SRRM2: variants seen among roughly 807,000 people sequenced by gnomAD.
SRRM2 encodes the protein serine/arginine repetitive matrix protein 2.
SRRM2 carries 30 observed loss-of-function variants against 213.8 expected under a neutral mutation model. The ratio of observed to expected loss-of-function variants is 0.14; its 90% CI spans 0.10 to 0.19. SRRM2 has a LOEUF of 0.19. Ranked by LOEUF, SRRM2 falls within the 10% of genes least tolerant of loss-of-function variation. The probability of loss-of-function intolerance (pLI) is 1.00; values close to 1 mark genes in which losing one functional copy is unlikely to be tolerated. For missense variants in SRRM2, 4,904 were observed against 3,647.0 expected (o/e 1.34, Z -8.88); for synonymous variants, 2,025 against 1,377.7 (o/e 1.47, Z -10.40).
rs538260989 is a variant in SRRM2, at chr16:2,759,872, T to G, written c.833+211T>G. 178 of 577,864 alleles carry G rather than the reference T, an allele frequency of 3.1e-4. No individual in the cohort carries two copies. The African/African-American group carries it at 3.2e-3, about 10-fold the overall frequency. The allele number at this position is 577,864 out of a possible 1,614,324, so 35.8% of individuals were successfully genotyped here. A position where few individuals can be genotyped will look rare whatever the true frequency, so the allele number is the denominator to read the frequency against. On this transcript the variant is annotated intron_variant, in intron 9 of 14. Transcript: ENST00000301740. ...TTTTTTTGTTTTTGTTTATTTGTTATTTTTGTTTCGTTCTGATGTATATGG... is the reference window on the plus strand; with the variant it reads ...TTTTTTTGTTTTTGTTTATTTGTTAGTTTTGTTTCGTTCTGATGTATATGG...
rs189850193 is a variant in SRRM2 at position 2,754,818 on chromosome 16, G to C, written c.-31-1516G>C. On this transcript the variant is annotated intron_variant, in intron 1 of 14. Transcript: ENST00000301740. ...GGGTGTAGAGAAATTGATTTTTTGA[G>C]CCATACAGTTTTTCATTTTTTCCTG... is the stretch of plus-strand genomic sequence containing the variant. Among the ~76,000 whole-genome samples the C allele has an allele frequency of 3.6e-3, 552 of 152,206 alleles. 2 individuals are homozygous for C. Among genetic ancestry groups the C allele is most frequent in the Non-Finnish European group, 6.6e-3 (449 of 67,996 alleles).
rs779286264 is a variant in SRRM2 at position 2,764,415 on chromosome 16, T to C, written c.3887T>C (p.Val1296Ala). The C allele has an allele frequency of 2.5e-6, 4 of 1,613,302 alleles. No individual in the cohort carries two copies. The highest frequency in any genetic ancestry group is 1.7e-5 in the Admixed American group (1 of 59,814). The change falls in exon 11 of 15, where the codon GTA (valine) becomes GCA (alanine). Residue 1296 changes from valine (V) to alanine (A), a missense_variant. By Grantham distance (64) the Val-to-Ala change is moderately conservative (BLOSUM62 0). Transcript: ENST00000301740. The part of the protein sequence containing the change: ...QSQSQASLEA[V>A]EVPSMASSWG... ...CAGTCACAGGCTTCTTTGGAAGCAG[T>C]AGAAGTCCCTTCAATGGCCTCATCT...
In SRRM2 at chr16:2,768,104, C is replaced by CCTG. The variant is rs1162578947; in HGVS notation, c.7577_7578insTGC (p.Ala2527dup). ...GCCTTCTGCATTAGCCGCCCTGCAG[C>CCTG]CAGCAAAGGAGCGGCGGAGTTCCTC... is the stretch of plus-strand genomic sequence containing the variant. On this transcript the variant is annotated inframe_insertion, in exon 11 of 15. Transcript: ENST00000301740. 1 of 1,614,056 alleles carries CCTG rather than the reference C, an allele frequency of 6.2e-7. No homozygotes were observed. Among genetic ancestry groups the CCTG allele is most frequent in the Non-Finnish European group, 8.5e-7 (1 of 1,180,024 alleles).
chr16:2,759,082 G>T (rs377552572), intron 6 of SRRM2, 35 bp downstream of exon 6: 1 of 1,614,070 alleles, frequency 6.2e-7, no homozygotes, highest in African/African-American at 1.3e-5. Context: ...ACTGGAGAAG[G>T]TTTGCTGAAT....
At position 2,760,432 on chromosome 16, in the gene SRRM2, G is replaced by A. The variant is rs780019414; in HGVS notation, c.965G>A (p.Ser322Asn). ...GGTACTACCAGCACACAACGGCCTAGTAGCCCGGAGACTGCTACGAAACAG... is the reference window on the plus strand; with the variant it reads ...GGTACTACCAGCACACAACGGCCTAATAGCCCGGAGACTGCTACGAAACAG... ...EPGTTSTQRPSSPETATKQPS... is the reference protein window; with the variant it reads ...EPGTTSTQRPNSPETATKQPS... Residue 322 changes from serine (S) to asparagine (N), a missense_variant, in exon 10 of 15, where the codon AGT becomes AAT. Transcript: ENST00000301740. 2 of 1,614,174 alleles carry A rather than the reference G, an allele frequency of 1.2e-6. No homozygotes were observed. The highest frequency in any genetic ancestry group is 1.3e-5 in the African/African-American group (1 of 75,020).
chr16:2,762,861 G>A lies in SRRM2; in HGVS notation c.2333G>A (p.Ser778Asn), dbSNP rs1279579577. The A allele has an allele frequency of 1.2e-6, 2 of 1,614,176 alleles. No homozygotes were observed. Among genetic ancestry groups the A allele is most frequent in the Non-Finnish European group, 1.7e-6 (2 of 1,180,022 alleles). Reference protein sequence around the residue: ...KAKSRLSLRRSLSGSSPCPKQ... With the variant: ...KAKSRLSLRRNLSGSSPCPKQ... ...AAATCTCGCTTGTCTTTGAGGCGCA[G>A]CCTTTCAGGGTCTTCCCCATGCCCT... The change falls in exon 11 of 15, where the codon AGC becomes AAC. Residue 778 changes from serine to asparagine, a missense_variant. Transcript: ENST00000301740.
In SRRM2 at chr16:2,768,294, G is replaced by C. The variant is rs763647748; in HGVS notation, c.7733+33G>C. The C allele has an allele frequency of 5.9e-6, 9 of 1,520,996 alleles. No individual in the cohort carries two copies. In the African/African-American group the frequency reaches 7.0e-5, roughly 12 times the overall value. The allele number at this position is 1,520,996 out of a possible 1,614,324, so 94.2% of individuals were successfully genotyped here. A position where few individuals can be genotyped will look rare whatever the true frequency, so the allele number is the denominator to read the frequency against. ...AGCTTGACTTTTAGAAATCTTCAGT[G>C]GGGGAGGTATTGGGGATGGGTTGGG... is the stretch of plus-strand genomic sequence containing the variant. On this transcript the variant is annotated intron_variant, in intron 11 of 14. Coordinates refer to ENST00000301740, the MANE Select transcript of SRRM2 (RefSeq NM_016333.4).
Position 2,761,851 on chromosome 16 carries a change from T to G in SRRM2, c.1323T>G (p.Pro441=). The change falls in exon 11 of 15, where the codon CCT becomes CCG. Residue 441 remains proline, a synonymous_variant. Coordinates refer to ENST00000301740, the MANE Select transcript of SRRM2 (RefSeq NM_016333.4). ...ATGCCAGCTCTTCCCCAGAAAGTCC[T>G]AAACCTGCTCCAGCTCCAGGGTCCC... ...SRHASSSPES[P]KPAPAPGSHR... 6.2e-7 allele frequency: 1 copy of G among 1,613,198 alleles called. No homozygotes were observed. Among genetic ancestry groups the G allele is most frequent in the Non-Finnish European group, 8.5e-7 (1 of 1,180,012 alleles).
In SRRM2 at chr16:2,769,294, G is replaced by A; in HGVS notation, c.8021+10G>A. 6 of 1,544,100 alleles carry A rather than the reference G, an allele frequency of 3.9e-6. No individual in the cohort carries two copies. Among genetic ancestry groups the A allele is most frequent in the Non-Finnish European group, 4.4e-6 (5 of 1,145,850 alleles). ...CCCCTGGCGAGCGGAGGTGAGTGCTGTCTTGCCTGAGTTGAAAGGTGGGTG... is the reference window on the plus strand; with the variant it reads ...CCCCTGGCGAGCGGAGGTGAGTGCTATCTTGCCTGAGTTGAAAGGTGGGTG... On this transcript the variant is annotated intron_variant, in intron 12 of 14. Transcript: ENST00000301740.
In SRRM2 at chr16:2,766,371, C is replaced by A. The variant is rs371830759; in HGVS notation, c.5843C>A (p.Ser1948Tyr). The A allele has an allele frequency of 6.2e-7, 1 of 1,614,158 alleles. No homozygotes were observed. Among genetic ancestry groups the A allele is most frequent in the East Asian group, 2.2e-5 (1 of 44,886 alleles). ...CCAACAACACGCCGCCGCTCCCGTT[C>A]TAGAACTCCACCAGTGACTCGCAGA... ...RTPTTRRRSR[S>Y]RTPPVTRRRS... The change falls in exon 11 of 15, where the codon TCT becomes TAT. Residue 1948 changes from serine to tyrosine, a missense_variant. By Grantham distance (144) the Ser-to-Tyr change is moderately radical. Transcript: ENST00000301740. This position sits in a 1 kb window ranked among gnomAD's most constrained non-coding sequence, Gnocchi z 7.0.
chr16:2,761,562 A>C lies in SRRM2; in HGVS notation c.1034A>C (p.Lys345Thr), dbSNP rs762556891. 4.0e-6 allele frequency: 6 copies of C among 1,501,708 alleles called. No individual in the cohort carries two copies. The highest frequency in any genetic ancestry group is 2.4e-5 in the Admixed American group (1 of 41,704). 93.0% of individuals were successfully genotyped at this position (1,501,708 alleles called of 1,614,324 possible). Residue 345 changes from lysine to threonine, a missense_variant and splice_region_variant, in exon 11 of 15, where the codon AAA becomes ACA. Coordinates refer to ENST00000301740, the MANE Select transcript of SRRM2 (RefSeq NM_016333.4). ...CCCTGCTCTCTCTTCCACTCTTAGA[A>C]ATCTGCAACTCGACCTAGCCCCTCT... ...YEDKDKDKKE[K>T]SATRPSPSPE...
rs748190103 is a variant in SRRM2 at position 2,760,483 on chromosome 16, A to G, written c.1016A>G (p.Asp339Gly). ...CCTAGCAGCCCTTATGAAGACAAAG[A>G]TAAAGACAAGAAGGAGGTATGTTCC... ...KQPSSPYEDK[D>G]KDKKEKSATR... Residue 339 changes from aspartate (D) to glycine (G), a missense_variant, in exon 10 of 15, where the codon GAT becomes GGT. By Grantham distance (94) the Asp-to-Gly change is moderately conservative. Coordinates refer to ENST00000301740, the MANE Select transcript of SRRM2 (RefSeq NM_016333.4). 7 of 1,614,186 alleles carry G rather than the reference A, an allele frequency of 4.3e-6. No homozygotes were observed. The highest frequency in any genetic ancestry group is 1.1e-5 in the South Asian group (1 of 91,076).
rs772437123 is a variant in SRRM2, at chr16:2,765,374, A to G, written c.4846A>G (p.Ser1616Gly). ...DKPRAAPRAQ[S>G]GSDSSPEPKA... ...GCCAAGAGCAGCACCCAGGGCACAG[A>G]GTGGTTCTGATTCCTCTCCTGAACC... The change falls in exon 11 of 15, where the codon AGT becomes GGT. Residue 1616 changes from serine (S) to glycine (G), a missense_variant. Coordinates refer to ENST00000301740, the MANE Select transcript of SRRM2 (RefSeq NM_016333.4). 1.2e-6 allele frequency: 2 copies of G among 1,614,136 alleles called. No homozygotes were observed. The highest frequency in any genetic ancestry group is 1.1e-5 in the South Asian group (1 of 91,084).
At position 2,762,634 on chromosome 16, in the gene SRRM2, C is replaced by T. The variant is rs551794563; in HGVS notation, c.2106C>T (p.Ser702=). ...CTAGGACACCAAGACGAGGAAGATC[C>T]CGCAGTAGAAGCTTAGTTAGACGTG... is the stretch of plus-strand genomic sequence containing the variant. ...SRSRTPRRGR[S]RSRSLVRRGR... The change falls in exon 11 of 15, where the codon TCC becomes TCT. Residue 702 remains serine (S), a synonymous_variant. Coordinates refer to ENST00000301740, the MANE Select transcript of SRRM2 (RefSeq NM_016333.4). 13 of 1,614,106 alleles carry T rather than the reference C, an allele frequency of 8.1e-6. No homozygotes were observed. The South Asian group carries it at 1.1e-4, about 14-fold the overall frequency.
Position 2,759,649 on chromosome 16 carries a change from C to T in SRRM2, c.821C>T (p.Thr274Ile), listed in dbSNP as rs1292021222. 11 of 1,613,918 alleles carry T rather than the reference C, an allele frequency of 6.8e-6. No homozygotes were observed. Among genetic ancestry groups the T allele is most frequent in the Non-Finnish European group, 9.3e-6 (11 of 1,179,862 alleles). The change falls in exon 9 of 15, where the codon ACT (threonine) becomes ATT (isoleucine). Residue 274 changes from threonine to isoleucine, a missense_variant. Thr to Ile is a moderately conservative substitution (Grantham distance 89, BLOSUM62 -1). Coordinates refer to ENST00000301740, the MANE Select transcript of SRRM2 (RefSeq NM_016333.4). ...GCTGACTCTGCTTCCTCCTCCGATA[C>T]TTCCCGCAGTCGGTAAGGGGTAGTC... is the stretch of plus-strand genomic sequence containing the variant. ...TSADSASSSD[T>I]SRSRSRSAAA... is the part of the protein sequence containing the mutation.
chr16:2,760,723 T>C (rs2068313711), intron 10 of SRRM2: 1 of 546,126 alleles, frequency 1.8e-6, no homozygotes, highest in African/African-American at 1.9e-5. Context: ...TGTTAGGTTT[T>C]ATATTGTGTC....
In SRRM2 at chr16:2,769,238, T is replaced by C. The variant is rs1322140405; in HGVS notation, c.7975T>C (p.Leu2659=). 2 of 1,584,970 alleles carry C rather than the reference T, an allele frequency of 1.3e-6. No individual in the cohort carries two copies. The highest frequency in any genetic ancestry group is 3.4e-5 in the Admixed American group (2 of 58,222). ...PSPAKPGPQA[L]PKPASPKKPP... is the part of the protein sequence containing the mutation. ...CCCTGCTAAGCCTGGCCCTCAGGCC[T>C]TGCCCAAACCTGCAAGCCCCAAGAA... The change falls in exon 12 of 15, where the codon TTG becomes CTG. Residue 2659 remains leucine, a synonymous_variant. Transcript: ENST00000301740.
Position 2,763,110 on chromosome 16 carries a change from A to G in SRRM2, c.2582A>G (p.Asn861Ser), listed in dbSNP as rs553717681. The G allele has an allele frequency of 2.0e-5, 32 of 1,614,208 alleles. No individual in the cohort carries two copies. Among genetic ancestry groups the G allele is most frequent in the East Asian group, 4.5e-5 (2 of 44,882 alleles). Reference sequence around the variant, plus strand: ...GGGTCCATAACAAGTCCCCAGGCCAATGAGCAATCTGTAACGCCACAGAGA... The same window carrying G: ...GGGTCCATAACAAGTCCCCAGGCCAGTGAGCAATCTGTAACGCCACAGAGA... ...RQGSITSPQA[N>S]EQSVTPQRRS... The change falls in exon 11 of 15, where the codon AAT becomes AGT. Residue 861 changes from asparagine (N) to serine (S), a missense_variant. Asn to Ser is a conservative substitution (Grantham distance 46). Transcript: ENST00000301740.
rs2068371397 is a variant in SRRM2, at chr16:2,762,087, A to C, written c.1559A>C (p.Gln520Pro). 6.2e-7 allele frequency: 1 copy of C among 1,614,204 alleles called. No homozygotes were observed. Among genetic ancestry groups the C allele is most frequent in the Non-Finnish European group, 8.5e-7 (1 of 1,180,022 alleles). The change falls in exon 11 of 15, where the codon CAG becomes CCG. Residue 520 changes from glutamine to proline, a missense_variant. Transcript: ENST00000301740. ...SPQWRRSRSA[Q>P]RWGRSRSPQR... ...CAGTGGCGTAGGTCCAGGTCTGCAC[A>C]GAGGTGGGGAAGATCTAGAAGCCCC...
Sources: gnomAD v4.1 joint callset for allele counts (sites outside exome capture counted in the v4.1 genomes callset) on GRCh38, gnomAD v4.1.1 for gene constraint, Gnocchi (gnomAD v3.1) non-coding constraint, MANE v1.5 for transcripts, NCBI Gene and HGNC (gene_info 2026-07-23, HGNC 2026-07-21) for gene names.